The following DDHD1 variants were observed in gnomAD, a reference collection of about 807,000 sequenced individuals.
The protein encoded by DDHD1 is DDHD domain containing 1.
DDHD1 carries 49 observed loss-of-function variants against 96.4 expected under a neutral mutation model. The ratio of observed to expected loss-of-function variants is 0.51; its 90% confidence interval spans 0.40 to 0.64. The LOEUF (loss-of-function observed/expected upper bound fraction) is 0.64. Ranked by LOEUF, DDHD1 falls within the 30% of genes least tolerant of loss-of-function variation. The pLI, the probability that DDHD1 is intolerant of heterozygous loss-of-function variation, is 0.00. For missense variants in DDHD1, 1,106 were observed against 1,161.2 expected (o/e 0.95, Z 0.69); for synonymous variants, 442 against 446.5 (o/e 0.99, Z 0.13).
At chr14:53,130,000 C>G (rs1889746946) in intron 1 of DDHD1, among the ~76,000 whole-genome samples, 1 of 152,204 alleles carries the variant, frequency 6.6e-6, no homozygotes, top group Non-Finnish European at 1.5e-5. Context: ...AATCTTTCTT[C>G]TTTCTCTCCT....
At chr14:53,100,377 G>C (rs777869666) in intron 2 of DDHD1, among the ~76,000 whole-genome samples, 29 of 152,100 alleles carry the variant, frequency 1.9e-4, no homozygotes, top group Admixed American at 3.9e-4. Context: ...GCTGAGGTGG[G>C]AGGGTCCTGG....
At position 53,044,515 on chromosome 14, in the gene DDHD1, G is replaced by A. The variant is rs901961286; in HGVS notation, c.*2253C>T. The stretch of plus-strand genomic sequence containing the variant: ...TGTCATACCACCTACAGCAACATAC[G>A]CTCAAGTACCTTTAACGATACAGTC... On this transcript the variant is annotated 3_prime_UTR_variant, in exon 13 of 13. Transcript: ENST00000673822. 1 of 152,094 alleles carries A rather than the reference G, an allele frequency of 6.6e-6. No homozygotes were observed. The highest frequency in any genetic ancestry group is 1.5e-5 in the Non-Finnish European group (1 of 68,016). 9.4% of individuals were successfully genotyped at this position (152,094 alleles called of 1,614,324 possible). A position where few individuals can be genotyped will look rare whatever the true frequency, so the allele number is the denominator to read the frequency against.
intron 1 of DDHD1, among the ~76,000 whole-genome samples, chr14:53,120,331 C>T (rs1888889701): frequency 6.6e-6 from 1 of 152,204 alleles, no homozygotes; most frequent in Admixed American, 6.5e-5. Context: ...ATTCTATGCT[C>T]ATGGTTAGGA....
intron 7 of DDHD1, among the ~76,000 whole-genome samples, chr14:53,062,037 A>G (rs1020016490): frequency 5.3e-4 from 76 of 143,126 alleles, no homozygotes; most frequent in Non-Finnish European, 1.1e-3. Context: ...TCCGTCTCCA[A>G]AAAAAAAAAA....
intron 6 of DDHD1, among the ~76,000 whole-genome samples, chr14:53,064,905 G>A (rs2139878797): frequency 6.6e-6 from 1 of 152,166 alleles, no homozygotes; most frequent in Admixed American, 6.5e-5. Flanking sequence ...TGTATCCAAC[G>A]AGTTTACTCT....
At chr14:53,123,115 G>GTTGTTGTTA (rs1212862445) in intron 1 of DDHD1, among the ~76,000 whole-genome samples, 1 of 138,456 alleles carries the variant, frequency 7.2e-6, no homozygotes, top group African/African-American at 2.7e-5. Flanking sequence ...GATAATTGCT[G>GTTGTTGTTA]TTATTATTAT....
At chr14:53,111,012 C>T (rs536621918) in intron 1 of DDHD1, among the ~76,000 whole-genome samples, 35 of 152,112 alleles carry the variant, frequency 2.3e-4, no homozygotes, top group South Asian at 4.2e-4. Flanking sequence ...AGTCATTATC[C>T]TAATTACAAT....
At chr14:53,151,807 T>C (rs1345337622) in intron 1 of DDHD1, among the ~76,000 whole-genome samples, 1 of 152,202 alleles carries the variant, frequency 6.6e-6, no homozygotes, top group Non-Finnish European at 1.5e-5. Context: ...TTACTTTTCC[T>C]GAACCCATAA....
At chr14:53,117,129 C>G (rs1888604524) in intron 1 of DDHD1, among the ~76,000 whole-genome samples, 1 of 152,182 alleles carries the variant, frequency 6.6e-6, no homozygotes, top group South Asian at 2.1e-4. Flanking sequence ...ATACCATAAA[C>G]ACCTCTATGC....
At position 53,152,762 on chromosome 14, in the gene DDHD1, T is replaced by TGCC. The variant is rs55671452; in HGVS notation, c.334_336dup (p.Gly112dup). On this transcript the variant is annotated inframe_insertion, in exon 1 of 13. Transcript: ENST00000673822. ...TGCGGCGGGTGCAGCGACAAGGAGC[T>TGCC]GCCGCCGCCGCCGCTCTCACCCTCG... 150 of 1,567,964 alleles carry TGCC rather than the reference T, an allele frequency of 9.6e-5. No homozygotes were observed. Among genetic ancestry groups the TGCC allele is most frequent in the Middle Eastern group, 2.1e-4 (1 of 4,864 alleles).
At chr14:53,060,315 C>T (rs1339551623) in intron 8 of DDHD1, among the ~76,000 whole-genome samples, 1 of 152,200 alleles carries the variant, frequency 6.6e-6, no homozygotes, top group Non-Finnish European at 1.5e-5. Context: ...CCACATTTTC[C>T]TAAATCACTG....
In DDHD1 at chr14:53,058,625, A is replaced by G; in HGVS notation, c.1844T>C (p.Val615Ala). The G allele has an allele frequency of 6.3e-7, 1 of 1,587,510 alleles. No homozygotes were observed. Among genetic ancestry groups the G allele is most frequent in the Non-Finnish European group, 8.5e-7 (1 of 1,169,964 alleles). ...GGATCCCATACAGAAGAAATTCTCAACCTAAAATGATAAAGTCATCTTAAA... is the reference window on the plus strand; with the variant it reads ...GGATCCCATACAGAAGAAATTCTCAGCCTAAAATGATAAAGTCATCTTAAA... ...MTQTPALKFK[V>A]ENFFCMGSPL... The change falls in exon 9 of 13, where the codon GTT becomes GCT. Residue 615 changes from valine (V) to alanine (A), a missense_variant and splice_region_variant. Coordinates refer to ENST00000673822, the MANE Select transcript of DDHD1 (RefSeq NM_001160148.2).
intron 1 of DDHD1, among the ~76,000 whole-genome samples, chr14:53,147,033 TC>T (rs1490638606): frequency 6.6e-6 from 1 of 152,084 alleles, no homozygotes; most frequent in Non-Finnish European, 1.5e-5. Flanking sequence ...TATTAGGAAT[TC>T]CATAACTACC....
chr14:53,080,502 T>G (rs1361713864), intron 4 of DDHD1, among the ~76,000 whole-genome samples: 1 of 152,218 alleles, frequency 6.6e-6, no homozygotes, highest in Admixed American at 6.5e-5. Flanking sequence ...TTAAGAATCC[T>G]TCATCTGTAA....
At chr14:53,152,127 C>CAGTTGGTG in intron 1 of DDHD1, 134 bp downstream of exon 1, 1 of 899,012 alleles carries the variant, frequency 1.1e-6, no homozygotes, top group Non-Finnish European at 1.6e-6. Context: ...CCTGCTCAAT[C>CAGTTGGTG]TCCATCCTGC....
chr14:53,121,629 C>G (rs1194417352), intron 1 of DDHD1, among the ~76,000 whole-genome samples: 1 of 151,926 alleles, frequency 6.6e-6, no homozygotes, highest in Non-Finnish European at 1.5e-5. Context: ...ATGTCCTTTG[C>G]ATGGATGAAG....
chr14:53,131,152 G>GGTCGA (rs1293372842), intron 1 of DDHD1, among the ~76,000 whole-genome samples: 2 of 152,048 alleles, frequency 1.3e-5, no homozygotes, highest in Non-Finnish European at 2.9e-5. Flanking sequence ...TCCCTTATTA[G>GGTCGA]GTCGAGGCAT....
At chr14:53,096,688 A>G (rs1886908784) in intron 2 of DDHD1, among the ~76,000 whole-genome samples, 3 of 151,966 alleles carry the variant, frequency 2.0e-5, no homozygotes, top group Non-Finnish European at 4.4e-5. Flanking sequence ...ACATTCTACT[A>G]GATGCTTTCC....
intron 7 of DDHD1, 59 bp downstream of exon 7, chr14:53,062,884 G>T: frequency 6.5e-7 from 1 of 1,539,258 alleles, no homozygotes; most frequent in Non-Finnish European, 8.8e-7. Flanking sequence ...TTTCTCGTAA[G>T]AGGTCCAGTA....
Sources: allele counts gnomAD v4.1 joint callset (sites outside exome capture counted in the v4.1 genomes callset), GRCh38; gene constraint gnomAD v4.1.1; transcripts MANE v1.5; gene names NCBI Gene and HGNC (gene_info 2026-07-23, HGNC 2026-07-21).